The following CCDC60 variants were observed in gnomAD, a reference collection of about 807,000 sequenced individuals.
The protein encoded by CCDC60 is coiled-coil domain containing 60, also known as coiled-coil domain-containing protein 60.
Under a neutral mutation model 63.5 loss-of-function variants are expected in CCDC60, and 54 were observed. The observed-to-expected ratio is 0.85, with a 90% CI of 0.68 to 1.07. The LOEUF (loss-of-function observed/expected upper bound fraction) is 1.07. Among genes scored for constraint, CCDC60 ranks in the 50% least tolerant of loss-of-function variants. The pLI is 0.00. For synonymous variants in CCDC60, 206 were observed against 238.8 expected, an observed-to-expected ratio of 0.86 and a Z score of 1.27; for missense variants, 651 against 684.3, an observed-to-expected ratio of 0.95 and a Z score of 0.54.
intron 7 of CCDC60, among the ~76,000 whole-genome samples, chr12:119,508,326 C>CA (rs1233759518): frequency 2.7e-5 from 4 of 150,606 alleles, no homozygotes; most frequent in Non-Finnish European, 5.9e-5. Flanking sequence ...ACTAAAAATA[C>CA]AAAAATTAGC....
rs34794529 is a variant in CCDC60 at position 119,410,917 on chromosome 12, ATT to A, written c.91-17758_91-17757del. Among the ~76,000 whole-genome samples the A allele has an allele frequency of 7.3e-5, 11 of 151,484 alleles. No individual in the cohort carries two copies. In the South Asian group the frequency reaches 2.1e-3, roughly 29 times the overall value. On this transcript the variant is annotated intron_variant, in intron 1 of 13. Coordinates refer to ENST00000327554, the MANE Select transcript of CCDC60 (RefSeq NM_178499.5). This position sits in a 1 kb window ranked among gnomAD's most constrained non-coding sequence, Gnocchi z 4.0. ...ACCACTACACTCAGCTAATTTTTGT[ATT>A]TTTTTTTAGTAGAGACAGGGTTTTG...
chr12:119,456,021 AAG>A lies in CCDC60; in HGVS notation c.171-15971_171-15970del, dbSNP rs1344133279. Among the ~76,000 whole-genome samples, 1 of 124,364 alleles carries A rather than the reference AAG, an allele frequency of 8.0e-6. No homozygotes were observed. Among genetic ancestry groups the A allele is most frequent in the South Asian group, 3.3e-4 (1 of 2,998 alleles). The allele number at this position is 124,364 out of a possible 152,430, so 81.6% of individuals were successfully genotyped here. ...AGAAAGAGAAAGAAAGAAAGAAAGA[AAG>A]AAAGAAAGAAAGAAAGAAAGAAAGA... On this transcript the variant is annotated intron_variant, in intron 2 of 13. Coordinates refer to ENST00000327554, the MANE Select transcript of CCDC60 (RefSeq NM_178499.5). The surrounding 1 kb of genome is among the most constrained non-coding windows in gnomAD (Gnocchi z 4.6).
intron 2 of CCDC60, among the ~76,000 whole-genome samples, chr12:119,465,161 C>A (rs1246483318): frequency 2.0e-5 from 3 of 151,566 alleles, no homozygotes; most frequent in Non-Finnish European, 2.9e-5. Flanking sequence ...AATACAAAAA[C>A]AATTAGCCAG....
At chr12:119,469,622 T>C (rs944026687) in intron 2 of CCDC60, among the ~76,000 whole-genome samples, 9 of 152,122 alleles carry the variant, frequency 5.9e-5, no homozygotes, top group Admixed American at 5.2e-4. Context: ...AAACTCCTGG[T>C]CCAGTGATTT....
At chr12:119,432,214 T>C (rs1950240785) in intron 2 of CCDC60, among the ~76,000 whole-genome samples, 1 of 152,140 alleles carries the variant, frequency 6.6e-6, no homozygotes, top group South Asian at 2.1e-4. Flanking sequence ...TGGTGACATG[T>C]AGGATCAAGA....
chr12:119,374,260 T>C (rs940982314), intron 1 of CCDC60, among the ~76,000 whole-genome samples: 1 of 152,118 alleles, frequency 6.6e-6, no homozygotes, highest in African/African-American at 2.4e-5. Flanking sequence ...ATTGTGAGGA[T>C]TAAATAGATT....
At chr12:119,342,296 A>G (rs1955541016) in intron 1 of CCDC60, among the ~76,000 whole-genome samples, 1 of 152,220 alleles carries the variant, frequency 6.6e-6, no homozygotes, top group South Asian at 2.1e-4. Context: ...GCTTTCCAAG[A>G]ACCTTCCTGA....
chr12:119,387,311 C>CA (rs1956078604), intron 1 of CCDC60, among the ~76,000 whole-genome samples: 1 of 152,024 alleles, frequency 6.6e-6, no homozygotes, highest in African/African-American at 2.4e-5. Context: ...ACAACAACAA[C>CA]AACAAAAAAA....
intron 5 of CCDC60, among the ~76,000 whole-genome samples, chr12:119,497,965 T>C (rs1201369778): frequency 6.6e-6 from 1 of 152,202 alleles, no homozygotes; most frequent in African/African-American, 2.4e-5. Context: ...TATTGTGTAA[T>C]CAAACATAAA....
At chr12:119,518,834 A>G (rs757555493) in intron 8 of CCDC60, among the ~76,000 whole-genome samples, 1 of 152,104 alleles carries the variant, frequency 6.6e-6, no homozygotes, top group Non-Finnish European at 1.5e-5. Flanking sequence ...CATATATGTC[A>G]AAGAGCAACA....
intron 1 of CCDC60, among the ~76,000 whole-genome samples, chr12:119,385,078 G>T (rs1441564913): frequency 6.6e-6 from 1 of 152,228 alleles, no homozygotes; most frequent in Non-Finnish European, 1.5e-5. Context: ...GCAACATTGT[G>T]TTATAGAGCT....
intron 2 of CCDC60, among the ~76,000 whole-genome samples, chr12:119,438,369 A>T (rs1950369093): frequency 6.6e-6 from 1 of 152,256 alleles, no homozygotes; most frequent in Non-Finnish European, 1.5e-5. Context: ...GGCTTTGCAC[A>T]AAACTTTGTT....
intron 2 of CCDC60, among the ~76,000 whole-genome samples, chr12:119,429,970 A>T (rs1040988821): frequency 6.6e-6 from 1 of 152,208 alleles, no homozygotes; most frequent in Non-Finnish European, 1.5e-5. Flanking sequence ...ATCATTCAAC[A>T]TGTAATCAGT....
chr12:119,446,179 T>G (rs1950539178), intron 2 of CCDC60, among the ~76,000 whole-genome samples: 1 of 152,176 alleles, frequency 6.6e-6, no homozygotes, highest in Non-Finnish European at 1.5e-5. Context: ...AAAAAAAGCT[T>G]ACATAGGAGT....
At position 119,360,358 on chromosome 12, in the gene CCDC60, C is replaced by G. The variant is rs1279538356; in HGVS notation, c.90+25092C>G. ...GCGGGGGGCTGACGCCCCCACCTCC[C>G]TCCCGGACGGGGCGGCTGGCCGGGC... is the stretch of plus-strand genomic sequence containing the variant. On this transcript the variant is annotated intron_variant, in intron 1 of 13. Transcript: ENST00000327554. Among the ~76,000 whole-genome samples, 532 of 86,094 alleles carry G rather than the reference C, an allele frequency of 6.2e-3. 1 individual carries two copies. Among genetic ancestry groups the G allele is most frequent in the African/African-American group, 0.026 (522 of 20,452 alleles). 56.5% of individuals were successfully genotyped at this position (86,094 alleles called of 152,430 possible).
At chr12:119,486,651 C>T (rs983964715) in intron 4 of CCDC60, among the ~76,000 whole-genome samples, 2 of 152,172 alleles carry the variant, frequency 1.3e-5, no homozygotes, top group Non-Finnish European at 2.9e-5. Flanking sequence ...AAGAGAGTTT[C>T]TCATGGTAGT....
intron 1 of CCDC60, among the ~76,000 whole-genome samples, chr12:119,372,178 T>G (rs1955904937): frequency 6.6e-6 from 1 of 152,162 alleles, no homozygotes; most frequent in Non-Finnish European, 1.5e-5. Context: ...GAGAATTGCT[T>G]AAGCCCAGGA....
chr12:119,519,399 ATATGTGTGTGTG>A (rs1160174264), intron 8 of CCDC60, among the ~76,000 whole-genome samples: 7 of 99,900 alleles, frequency 7.0e-5, no homozygotes, highest in Non-Finnish European at 9.9e-5. Flanking sequence ...GTAGTGATAT[ATATGTGTGTGTG>A]TGTGTGTGTG....
At chr12:119,430,911 G>A (rs60648628) in intron 2 of CCDC60, among the ~76,000 whole-genome samples, 405 of 152,322 alleles carry the variant, frequency 2.7e-3, no homozygotes, top group African/African-American at 9.1e-3. Context: ...ATGCTGGGAT[G>A]TTCTTGCAGA....
Sources: gnomAD v4.1 joint callset for allele counts (sites outside exome capture counted in the v4.1 genomes callset) on GRCh38, gnomAD v4.1.1 for gene constraint, Gnocchi (gnomAD v3.1) non-coding constraint, MANE v1.5 for transcripts, NCBI Gene and HGNC (gene_info 2026-07-23, HGNC 2026-07-21) for gene names.